The following MUC4 variants were observed in gnomAD, a reference collection of about 807,000 sequenced individuals.
The protein encoded by MUC4 is mucin 4, cell surface associated.
In MUC4, 202 loss-of-function variants were observed where a neutral mutation model predicts 257.9. The observed-to-expected ratio is 0.78, with a 90% CI of 0.70 to 0.88. The LOEUF (loss-of-function observed/expected upper bound fraction) is 0.88. MUC4 is among the 40% of genes least tolerant of loss of function. The pLI, the probability that MUC4 is intolerant of heterozygous loss-of-function variation, is 0.00. For missense variants in MUC4, 5,976 were observed against 6,513.7 expected (o/e 0.92, Z 2.84); for synonymous variants, 2,351 against 2,757.1 (o/e 0.85, Z 4.62).
chr3:195,750,048 G>A (rs1307406415), intron 23 of MUC4: 8 of 152,370 alleles, frequency 5.3e-5, no homozygotes, highest in South Asian at 2.1e-4. Context: ...GGGAGAGAGC[G>A]GGCTTAGCCT....
intron 18 of MUC4, among the ~76,000 whole-genome samples, chr3:195,756,204 C>T (rs972626132): frequency 1.3e-5 from 2 of 152,136 alleles, no homozygotes; most frequent in African/African-American, 2.4e-5. Context: ...TCTAGGCAGA[C>T]AGGACTGTAA....
intron 1 of MUC4, among the ~76,000 whole-genome samples, chr3:195,808,433 T>G (rs1175104398): frequency 6.6e-6 from 1 of 152,062 alleles, no homozygotes; most frequent in African/African-American, 2.4e-5. Flanking sequence ...CTTGAACTCC[T>G]GACCTCAGGT....
intron 24 of MUC4, among the ~76,000 whole-genome samples, chr3:195,748,272 T>A (rs1465517166): frequency 6.6e-6 from 1 of 152,204 alleles, no homozygotes; most frequent in Admixed American, 6.5e-5. Context: ...GTGGGAGGGT[T>A]TGACTTTGGG....
At position 195,788,808 on chromosome 3, in the gene MUC4, C is replaced by A. The variant is rs1273336928; in HGVS notation, c.2772G>T (p.Leu924=). The A allele has an allele frequency of 6.2e-7, 1 of 1,613,876 alleles. No individual in the cohort carries two copies. Among genetic ancestry groups the A allele is most frequent in the Admixed American group, 1.7e-5 (1 of 59,998 alleles). ...RTSRGSDTIS[L]ASQATDTFST... ...AGAAGGTGTCGGTTGCCTGGGACGC[C>A]AGGCTGATAGTGTCAGACCCTCTGC... Residue 924 remains leucine, a synonymous_variant, in exon 2 of 25, where the codon CTG becomes CTT. Coordinates refer to ENST00000463781, the MANE Select transcript of MUC4 (RefSeq NM_018406.7).
chr3:195,775,382 G>GTACCTTCCACGGCCA lies in MUC4; in HGVS notation c.12944-1078_12944-1077insTGGCCGTGGAAGGTA, dbSNP rs1560283276. ...TTCTGCAGCCATACCTACCACACTC[G>GTACCTTCCACGGCCA]TACCTTCCACACCCATACCTTCCAC... On this transcript the variant is annotated intron_variant, in intron 3 of 24. Transcript: ENST00000463781. 4.0e-4 allele frequency among the ~76,000 whole-genome samples: 48 copies of GTACCTTCCACGGCCA among 119,614 alleles called. 14 individuals are homozygous for GTACCTTCCACGGCCA. The highest frequency in any genetic ancestry group is 6.2e-4 in the African/African-American group (19 of 30,656). 78.5% of individuals were successfully genotyped at this position (119,614 alleles called of 152,430 possible).
chr3:195,782,208 G>C lies in MUC4; in HGVS notation c.9372C>G (p.Thr3124=). 7.2e-7 allele frequency: 1 copy of C among 1,398,524 alleles called. No homozygotes were observed. The allele number at this position is 1,398,524 out of a possible 1,614,324, so 86.6% of individuals were successfully genotyped here. A position where few individuals can be genotyped will look rare whatever the true frequency, so the allele number is the denominator to read the frequency against. Residue 3124 remains threonine (T), a synonymous_variant, in exon 2 of 25, where the codon ACC becomes ACG. Transcript: ENST00000463781. The part of the protein sequence containing the change: ...STGHTTPLPV[T]DTSSASTGQA... ...GACCTGTGGATGCTGAGGAAGTGTC[G>C]GTGACAGGAAGAGGGGTGGTGTGAC...
chr3:195,788,900 G>T lies in MUC4; in HGVS notation c.2680C>A (p.Pro894Thr). 4 of 1,613,712 alleles carry T rather than the reference G, an allele frequency of 2.5e-6. 1 individual carries two copies. The highest frequency in any genetic ancestry group is 2.2e-5 in the South Asian group (2 of 91,054). ...RPTGQSSPTS[P>T]SASPQETAAI... is the part of the protein sequence containing the mutation. ...GCTGTCTCCTGAGGAGAGGCACTGG[G>T]AGAAGTTGGGCTTGACTGTCCTGTC... Residue 894 changes from proline to threonine, a missense_variant, in exon 2 of 25, where the codon CCC becomes ACC. By Grantham distance (38) the Pro-to-Thr change is conservative. Transcript: ENST00000463781.
At position 195,747,149 on chromosome 3, in the gene MUC4, G is replaced by A. The variant is rs371212688; in HGVS notation, c.*27C>T. On this transcript the variant is annotated 3_prime_UTR_variant, in exon 25 of 25. Transcript: ENST00000463781. ...GTGCGGTAAGGATGAGGTGAGTCTT[G>A]AGGTAGCCTAGGCCACAGCTGCCCC... 7.3e-4 allele frequency: 1,180 copies of A among 1,613,710 alleles called. 10 individuals carry two copies. The African/African-American group carries it at 0.014, about 20-fold the overall frequency.
chr3:195,794,673 C>T (rs918074652), intron 1 of MUC4, among the ~76,000 whole-genome samples: 7 of 152,066 alleles, frequency 4.6e-5, no homozygotes, highest in Admixed American at 6.6e-5. Context: ...TTTTTTCAAC[C>T]TCAGTGCTCC....
chr3:195,765,136 A>G lies in MUC4; in HGVS notation c.13799-14T>C, dbSNP rs766207276. The G allele has an allele frequency of 1.9e-6, 3 of 1,608,652 alleles. No individual in the cohort carries two copies. Among genetic ancestry groups the G allele is most frequent in the Admixed American group, 3.4e-5 (2 of 59,504 alleles). The stretch of plus-strand genomic sequence containing the variant: ...GGCCCCAGCGACCTGAAACAAGTCC[A>G]GTCCCACTCAGGCCCAGGCTGGGGC... On this transcript the variant is annotated splice_polypyrimidine_tract_variant and intron_variant, in intron 9 of 24. Coordinates refer to ENST00000463781, the MANE Select transcript of MUC4 (RefSeq NM_018406.7).
At position 195,780,138 on chromosome 3, in the gene MUC4, A is replaced by AGCGTCGGTGACAGGAAG; in HGVS notation, c.11441_11442insCTTCCTGTCACCGACGC (p.Ser3815PhefsTer450). 2.0e-6 allele frequency: 3 copies of AGCGTCGGTGACAGGAAG among 1,475,394 alleles called. No individual in the cohort carries two copies. Among genetic ancestry groups the AGCGTCGGTGACAGGAAG allele is most frequent in the Non-Finnish European group, 9.2e-7 (1 of 1,091,566 alleles). The allele number at this position is 1,475,394 out of a possible 1,614,324, so 91.4% of individuals were successfully genotyped here. A position where few individuals can be genotyped will look rare whatever the true frequency, so the allele number is the denominator to read the frequency against. On this transcript the variant is annotated frameshift_variant, in exon 2 of 25. Coordinates refer to ENST00000463781, the MANE Select transcript of MUC4 (RefSeq NM_018406.7). LOFTEE classifies it high-confidence loss of function. Reference sequence around the variant, plus strand: ...TGGTGTCACCTGTGGATACTGAGGAAAGGCTGGTGACAGGAAGAGGGGTGG... The same window carrying AGCGTCGGTGACAGGAAG: ...TGGTGTCACCTGTGGATACTGAGGAAGCGTCGGTGACAGGAAGAGGCTGGTGACAGGAAGAGGGGTGG...
At chr3:195,762,323 G>A (rs1439040250) in intron 13 of MUC4, 69 bp from the exon 14 acceptor site, 3 of 1,466,774 alleles carry the variant, frequency 2.0e-6, no homozygotes, top group Admixed American at 4.5e-5. Flanking sequence ...CCCGCGCCCT[G>A]CCGGGCCCGC....
chr3:195,796,891 G>GAT (rs1358228323), intron 1 of MUC4, among the ~76,000 whole-genome samples: 2 of 152,070 alleles, frequency 1.3e-5, no homozygotes, highest in African/African-American at 4.8e-5. Context: ...ACAAACTATA[G>GAT]ATTAATAAGT....
chr3:195,810,901 C>T lies in MUC4; in HGVS notation c.82+835G>A, dbSNP rs1189978089. ...CCCCAGCTCTGTACACAAGGGTGTA[C>T]ATCTTTCTCCTTGACTCTGTTCCTC... On this transcript the variant is annotated intron_variant, in intron 1 of 24. Coordinates refer to ENST00000463781, the MANE Select transcript of MUC4 (RefSeq NM_018406.7). The surrounding 1 kb of genome is among the most constrained non-coding windows in gnomAD (Gnocchi z 4.2). Among the ~76,000 whole-genome samples the T allele has an allele frequency of 2.0e-5, 3 of 152,090 alleles. No individual in the cohort carries two copies. The highest frequency in any genetic ancestry group is 2.9e-5 in the Non-Finnish European group (2 of 68,010).
At chr3:195,762,459 C>CGCACCGGGCCCT (rs1246561699) in intron 13 of MUC4, among the ~76,000 whole-genome samples, 177 of 151,396 alleles carry the variant, frequency 1.2e-3, no homozygotes, top group Non-Finnish European at 1.6e-3. Flanking sequence ...TGCACCGCCA[C>CGCACCGGGCCCT]GCACCGGGCC....
At chr3:195,769,649 G>A (rs766901667) in intron 6 of MUC4, 28 of 163,474 alleles carry the variant, frequency 1.7e-4, no homozygotes, top group Middle Eastern at 2.9e-3. Flanking sequence ...GAAGAAATGA[G>A]TGACTTTAGA....
intron 2 of MUC4, 107 bp downstream of exon 2, chr3:195,778,683 G>C: frequency 1.5e-6 from 2 of 1,363,618 alleles, no homozygotes; most frequent in Non-Finnish European, 2.0e-6. Flanking sequence ...GACCTGACAC[G>C]GCCCCACCAG....
chr3:195,799,281 C>T (rs1489471723), intron 1 of MUC4, among the ~76,000 whole-genome samples: 5 of 132,244 alleles, frequency 3.8e-5, no homozygotes, highest in African/African-American at 1.3e-4. Flanking sequence ...GTGTGTGTCC[C>T]TGCCCTTATG....
intron 2 of MUC4, 146 bp downstream of exon 2, chr3:195,778,644 C>A (rs1257759382): frequency 2.4e-6 from 3 of 1,246,134 alleles, no homozygotes; most frequent in Admixed American, 2.5e-5. Flanking sequence ...GCCTGTCACC[C>A]ACCACACCCA....
Sources: allele counts gnomAD v4.1 joint callset (sites outside exome capture counted in the v4.1 genomes callset), GRCh38; gene constraint gnomAD v4.1.1; non-coding constraint Gnocchi (gnomAD v3.1); transcripts MANE v1.5; gene names NCBI Gene and HGNC (gene_info 2026-07-23, HGNC 2026-07-21).